The following TLR5 variants were observed in gnomAD, a reference collection of about 807,000 sequenced individuals.
The protein encoded by TLR5 is toll-like receptor 5.
For synonymous variants in TLR5, 373 were observed against 384.4 expected, an observed-to-expected ratio of 0.97 and a Z score of 0.35; for missense variants, 944 against 999.8, an observed-to-expected ratio of 0.94 and a Z score of 0.75.
Position 223,111,663 on chromosome 1 carries a change from G to A in TLR5, c.1369C>T (p.Gln457Ter), listed in dbSNP as rs1478390440. The change falls in exon 6 of 6, where the codon CAA becomes TAA. Residue 457 changes from glutamine to a stop codon, truncating the protein, a stop_gained. Transcript: ENST00000642603. LOFTEE classifies it low-confidence loss of function (END_TRUNC). ...VPHLQILILN[Q>*]NRFSSCSGDQ... ...CCACTACAGGAGGAGAAGCGATTTT[G>A]ATTTAAAATGAGAATCTGGAGATGA... 6.2e-7 allele frequency: 1 copy of A among 1,614,016 alleles called. No individual in the cohort carries two copies. Among genetic ancestry groups the A allele is most frequent in the Non-Finnish European group, 8.5e-7 (1 of 1,180,026 alleles).
intron 2 of TLR5, among the ~76,000 whole-genome samples, chr1:223,137,663 AAGG>A (rs1170514693): frequency 6.6e-6 from 1 of 152,200 alleles, no homozygotes; most frequent in African/African-American, 2.4e-5. Context: ...GAGGACAGGA[AAGG>A]AGGAGAGGAA....
At chr1:223,130,159 C>T (rs1657343375) in intron 5 of TLR5, among the ~76,000 whole-genome samples, 1 of 152,166 alleles carries the variant, frequency 6.6e-6, no homozygotes, top group Admixed American at 6.5e-5. Flanking sequence ...TTCTCTGTGA[C>T]TGGCCATTCA....
chr1:223,140,835 T>A (rs1231414458), intron 2 of TLR5, among the ~76,000 whole-genome samples: 2 of 152,258 alleles, frequency 1.3e-5, no homozygotes, highest in African/African-American at 4.8e-5. Context: ...TTCTTTGAGC[T>A]AGCAGATGCT....
intron 5 of TLR5, among the ~76,000 whole-genome samples, chr1:223,114,278 G>A (rs1185049905): frequency 1.3e-5 from 2 of 152,164 alleles, no homozygotes; most frequent in African/African-American, 2.4e-5. Context: ...TGTGCTGGGT[G>A]CTATGAAGAG....
At chr1:223,125,360 G>A (rs372478445) in intron 5 of TLR5, among the ~76,000 whole-genome samples, 26 of 152,270 alleles carry the variant, frequency 1.7e-4, no homozygotes, top group South Asian at 4.2e-4. Context: ...TGGAGAACCC[G>A]TGGGACTGTC....
At chr1:223,119,097 C>T (rs1656815914) in intron 5 of TLR5, among the ~76,000 whole-genome samples, 1 of 151,996 alleles carries the variant, frequency 6.6e-6, no homozygotes, top group South Asian at 2.1e-4. Flanking sequence ...GAGAGAGACT[C>T]CATCTCAAAA....
In TLR5 at chr1:223,111,515, A is replaced by C; in HGVS notation, c.1517T>G (p.Val506Gly). Residue 506 changes from valine to glycine, a missense_variant, in exon 6 of 6, where the codon GTT (valine) becomes GGT (glycine). Val to Gly is a moderately radical substitution (Grantham distance 109, BLOSUM62 -3). Coordinates refer to ENST00000642603, the MANE Select transcript of TLR5 (RefSeq NM_003268.6). ...DVFEGLSHLQ[V>G]LYLNHNYLNS... ...AAGATAGTTATGATTCAAATACAGA[A>C]CTTGAAGATGAGAAAGTCCCTCAAA... 6.2e-7 allele frequency: 1 copy of C among 1,614,124 alleles called. No individual in the cohort carries two copies. The highest frequency in any genetic ancestry group is 1.1e-5 in the South Asian group (1 of 91,080).
At chr1:223,134,136 C>G (rs1009246946) in intron 4 of TLR5, among the ~76,000 whole-genome samples, 1 of 152,206 alleles carries the variant, frequency 6.6e-6, no homozygotes, top group East Asian at 1.9e-4. Context: ...CCTCCCACCC[C>G]CGCCGCCCCT....
At chr1:223,130,081 C>G (rs1657341415) in intron 5 of TLR5, among the ~76,000 whole-genome samples, 1 of 152,152 alleles carries the variant, frequency 6.6e-6, no homozygotes, top group Non-Finnish European at 1.5e-5. Flanking sequence ...GAGAGACTAT[C>G]AAATGCCCTG....
chr1:223,143,017 G>A (rs576501079), intron 1 of TLR5, among the ~76,000 whole-genome samples, 179 bp downstream of exon 1: 1 of 152,256 alleles, frequency 6.6e-6, no homozygotes, highest in African/African-American at 2.4e-5. Context: ...CGGGTGCCGC[G>A]GGGCAGAGAG....
At chr1:223,133,581 C>T (rs1055040407) in intron 4 of TLR5, among the ~76,000 whole-genome samples, 2 of 152,182 alleles carry the variant, frequency 1.3e-5, no homozygotes, top group African/African-American at 4.8e-5. Flanking sequence ...TGAGCTGCCT[C>T]GTTCTTCCAG....
At chr1:223,129,975 C>T (rs1358484443) in intron 5 of TLR5, among the ~76,000 whole-genome samples, 1 of 152,154 alleles carries the variant, frequency 6.6e-6, no homozygotes, top group East Asian at 1.9e-4. Flanking sequence ...TAATACAAAG[C>T]ACGTCTATTA....
Position 223,109,419 on chromosome 1 carries a change from G to T in TLR5, c.*1036C>A, listed in dbSNP as rs114816133. 6.8e-4 allele frequency: 103 copies of T among 152,184 alleles called. 1 individual carries two copies. The highest frequency in any genetic ancestry group is 2.5e-3 in the African/African-American group (102 of 41,528). 9.4% of individuals were successfully genotyped at this position (152,184 alleles called of 1,614,324 possible). A position where few individuals can be genotyped will look rare whatever the true frequency, so the allele number is the denominator to read the frequency against. ...AAGAACAGAATGGAAAATACACATAGATTTCATTTAAGATAAAAAAATACA... is the reference window on the plus strand; with the variant it reads ...AAGAACAGAATGGAAAATACACATATATTTCATTTAAGATAAAAAAATACA... On this transcript the variant is annotated 3_prime_UTR_variant, in exon 6 of 6. Coordinates refer to ENST00000642603, the MANE Select transcript of TLR5 (RefSeq NM_003268.6).
Position 223,111,635 on chromosome 1 carries a change from TCTC to T in TLR5, c.1394_1396del (p.Gly465del), listed in dbSNP as rs1656343604. Reference sequence around the variant, plus strand: ...GCTGGGATTCTCTGAAGGGGTTTGATCTCCACTACAGGAGGAGAAGCGATTTTG... The same window carrying T: ...GCTGGGATTCTCTGAAGGGGTTTGATCACTACAGGAGGAGAAGCGATTTTG... On this transcript the variant is annotated inframe_deletion, in exon 6 of 6. Coordinates refer to ENST00000642603, the MANE Select transcript of TLR5 (RefSeq NM_003268.6). The T allele has an allele frequency of 6.2e-7, 1 of 1,614,172 alleles. No individual in the cohort carries two copies. The highest frequency in any genetic ancestry group is 1.1e-5 in the South Asian group (1 of 91,088).
intron 5 of TLR5, 115 bp downstream of exon 5, chr1:223,132,360 T>C (rs1484699885): frequency 6.6e-6 from 1 of 152,104 alleles, no homozygotes; most frequent in Non-Finnish European, 1.5e-5. Flanking sequence ...ACCTTATATG[T>C]ATGTATATTT....
At chr1:223,139,796 T>C (rs1438561232) in intron 2 of TLR5, among the ~76,000 whole-genome samples, 1 of 152,188 alleles carries the variant, frequency 6.6e-6, no homozygotes, top group African/African-American at 2.4e-5. Context: ...CCTCAAGGCC[T>C]CTAGGAATTG....
At chr1:223,129,150 T>G (rs1657294103) in intron 5 of TLR5, 1 of 152,406 alleles carries the variant, frequency 6.6e-6, no homozygotes, top group African/African-American at 2.4e-5. Context: ...AAACCCTCTT[T>G]CGACACCTCC....
Position 223,110,221 on chromosome 1 carries a change from T to G in TLR5, c.*234A>C, listed in dbSNP as rs1351971889. 3 of 562,406 alleles carry G rather than the reference T, an allele frequency of 5.3e-6. No homozygotes were observed. Among genetic ancestry groups the G allele is most frequent in the Non-Finnish European group, 9.4e-6 (3 of 317,844 alleles). 34.8% of individuals were successfully genotyped at this position (562,406 alleles called of 1,614,324 possible). A position where few individuals can be genotyped will look rare whatever the true frequency, so the allele number is the denominator to read the frequency against. On this transcript the variant is annotated 3_prime_UTR_variant, in exon 6 of 6. Transcript: ENST00000642603. The stretch of plus-strand genomic sequence containing the variant: ...ATTATTGGATCTGAAAGAAAATCAA[T>G]GGAGACTGGAAACCTCTAAGGGCAG...
chr1:223,142,868 A>G (rs1657939129), intron 1 of TLR5, among the ~76,000 whole-genome samples: 1 of 152,084 alleles, frequency 6.6e-6, no homozygotes, highest in Non-Finnish European at 1.5e-5. Context: ...AGACAGCACA[A>G]GAAGGACCCG....
Sources: allele counts gnomAD v4.1 joint callset (sites outside exome capture counted in the v4.1 genomes callset), GRCh38; gene constraint gnomAD v4.1.1; transcripts MANE v1.5; gene names NCBI Gene and HGNC (gene_info 2026-07-23, HGNC 2026-07-21).